The following IQCM variants were observed in gnomAD, a reference collection of about 807,000 sequenced individuals.
The protein encoded by IQCM is IQ motif containing M, also known as IQ domain-containing protein M.
In IQCM, 45 loss-of-function variants were observed where a neutral mutation model predicts 57.6. That is an observed-to-expected ratio of 0.78 (90% CI 0.62 to 1.00). The LOEUF (loss-of-function observed/expected upper bound fraction) is 1.00, where lower values mean the gene tolerates loss of function less well. IQCM is among the 50% of genes least tolerant of loss of function. The pLI is 0.00. For missense variants in IQCM, 468 were observed against 511.6 expected (o/e 0.91, Z 0.82); for synonymous variants, 148 against 158.9 (o/e 0.93, Z 0.51).
chr4:149,587,578 C>CA (rs555085455), intron 9 of IQCM, among the ~76,000 whole-genome samples: 120 of 150,042 alleles, frequency 8.0e-4, no homozygotes, highest in Non-Finnish European at 1.2e-3. Flanking sequence ...TTCTAACAAA[C>CA]AAAAAAAAAT....
chr4:149,671,738 C>A (rs1433306927), intron 7 of IQCM, among the ~76,000 whole-genome samples: 1 of 152,086 alleles, frequency 6.6e-6, no homozygotes, highest in Non-Finnish European at 1.5e-5. Context: ...GTTATGTACC[C>A]AGTAGTCATT....
intron 7 of IQCM, among the ~76,000 whole-genome samples, chr4:149,638,011 C>T (rs958526353): frequency 7.2e-5 from 11 of 152,148 alleles, no homozygotes; most frequent in African/African-American, 2.7e-4. Context: ...AGGCAAGCTA[C>T]AGACTGTGAG....
chr4:149,390,512 G>C (rs1252579164), intron 13 of IQCM, among the ~76,000 whole-genome samples: 1 of 151,602 alleles, frequency 6.6e-6, no homozygotes, highest in Admixed American at 6.6e-5. Flanking sequence ...TCTGATCTTA[G>C]GGGAAAAGTA....
At chr4:149,413,975 A>C (rs1448962635) in intron 13 of IQCM, among the ~76,000 whole-genome samples, 1 of 152,196 alleles carries the variant, frequency 6.6e-6, no homozygotes, top group Non-Finnish European at 1.5e-5. Flanking sequence ...TGAAGCCATA[A>C]CAAAGAATTT....
chr4:149,472,853 CA>C (rs777042532), intron 12 of IQCM, among the ~76,000 whole-genome samples: 5 of 150,086 alleles, frequency 3.3e-5, no homozygotes, highest in African/African-American at 9.8e-5. Flanking sequence ...ACAAACCTGA[CA>C]AAAAAAAAGA....
At chr4:149,610,405 C>A (rs1755173339) in intron 8 of IQCM, among the ~76,000 whole-genome samples, 1 of 151,950 alleles carries the variant, frequency 6.6e-6, no homozygotes, top group Non-Finnish European at 1.5e-5. Context: ...GCAAAAGACC[C>A]TGAATAGCCA....
chr4:149,755,007 A>G (rs984899359), intron 2 of IQCM, among the ~76,000 whole-genome samples: 2 of 152,184 alleles, frequency 1.3e-5, no homozygotes, highest in African/African-American at 4.8e-5. Context: ...CCAGACAATC[A>G]TCTTTGGCTC....
intron 7 of IQCM, among the ~76,000 whole-genome samples, chr4:149,638,530 G>A (rs1757911216): frequency 6.6e-6 from 1 of 151,842 alleles, no homozygotes. Context: ...TTGATACACT[G>A]TGGTATAGTC....
intron 3 of IQCM, among the ~76,000 whole-genome samples, chr4:149,737,946 A>G (rs557378779): frequency 7.9e-5 from 12 of 152,318 alleles, no homozygotes; most frequent in Non-Finnish European, 1.8e-4. Context: ...TTATAATTAC[A>G]ACATTGTCAT....
chr4:149,621,956 G>GTA (rs952763777), intron 7 of IQCM, among the ~76,000 whole-genome samples: 4 of 151,928 alleles, frequency 2.6e-5, no homozygotes, highest in African/African-American at 9.7e-5. Context: ...CTTCATATAT[G>GTA]TATATATATG....
At chr4:149,575,529 T>G (rs1421658226) in intron 9 of IQCM, among the ~76,000 whole-genome samples, 1 of 151,788 alleles carries the variant, frequency 6.6e-6, no homozygotes, top group African/African-American at 2.4e-5. Context: ...TTTAAGTACC[T>G]AAAGGAGATG....
chr4:149,541,904 C>T (rs116329189), intron 12 of IQCM, among the ~76,000 whole-genome samples: 3,165 of 152,086 alleles, frequency 0.021, 42 homozygotes, highest in Non-Finnish European at 0.032. Context: ...TGAAAAAATG[C>T]GTAGGTTGCA....
At chr4:149,460,752 C>G (rs1738187742) in intron 12 of IQCM, among the ~76,000 whole-genome samples, 1 of 152,116 alleles carries the variant, frequency 6.6e-6, no homozygotes, top group Admixed American at 6.5e-5. Flanking sequence ...AGCTGTAATG[C>G]TTTTTAATAC....
intron 13 of IQCM, among the ~76,000 whole-genome samples, chr4:149,373,244 CAT>C (rs1392921835): frequency 2.0e-5 from 3 of 152,060 alleles, no homozygotes; most frequent in East Asian, 1.9e-4. Context: ...AAATTTTACA[CAT>C]GAGGAAACTG....
At chr4:149,544,359 A>G (rs1748168079) in intron 12 of IQCM, among the ~76,000 whole-genome samples, 1 of 152,184 alleles carries the variant, frequency 6.6e-6, no homozygotes, top group Non-Finnish European at 1.5e-5. Flanking sequence ...TTAACCCAAG[A>G]GGTTAAAGAT....
chr4:149,724,994 G>C (rs1298546635), intron 5 of IQCM, among the ~76,000 whole-genome samples: 2 of 151,982 alleles, frequency 1.3e-5, no homozygotes, highest in African/African-American at 4.8e-5. Context: ...TGGTTAAGCA[G>C]TACTGTAGAA....
At chr4:149,603,069 A>T (rs998629465) in intron 8 of IQCM, among the ~76,000 whole-genome samples, 9 of 152,156 alleles carry the variant, frequency 5.9e-5, no homozygotes, top group African/African-American at 2.2e-4. Context: ...AAATAACCAA[A>T]AAACAAGTTA....
At chr4:149,590,634 A>G (rs1753065149) in intron 8 of IQCM, among the ~76,000 whole-genome samples, 1 of 151,292 alleles carries the variant, frequency 6.6e-6, no homozygotes, top group African/African-American at 2.4e-5. Context: ...CCAGTGTGTG[A>G]TGTTCCCCTC....
intron 12 of IQCM, among the ~76,000 whole-genome samples, 173 bp from the exon 13 acceptor site, chr4:149,433,730 A>G (rs969075306): frequency 6.6e-6 from 1 of 151,986 alleles, no homozygotes; most frequent in Non-Finnish European, 1.5e-5. Flanking sequence ...TGTTAATTCC[A>G]AGCAAAAACT....
Sources: gnomAD v4.1 joint callset for allele counts (sites outside exome capture counted in the v4.1 genomes callset) on GRCh38, gnomAD v4.1.1 for gene constraint, MANE v1.5 for transcripts, NCBI Gene and HGNC (gene_info 2026-07-23, HGNC 2026-07-21) for gene names.